Variants in TRAM2 observed in about 807,000 individuals in gnomAD.
TRAM2 encodes translocation associated membrane protein 2.
A neutral mutation model predicts 51.0 loss-of-function variants in TRAM2; 12 were observed. That is an observed-to-expected ratio of 0.24 (90% CI 0.15 to 0.38). TRAM2 has a LOEUF of 0.38. Among genes scored for constraint, TRAM2 ranks in the 10% least tolerant of loss-of-function variants. TRAM2 has a pLI of 1.00. For missense variants in TRAM2, 361 were observed against 462.0 expected (o/e 0.78, Z 2.00); for synonymous variants, 175 against 179.4 (o/e 0.98, Z 0.20).
chr6:52,574,014 C>G (rs1190842724), intron 1 of TRAM2, among the ~76,000 whole-genome samples: 2 of 152,116 alleles, frequency 1.3e-5, no homozygotes, highest in Non-Finnish European at 2.9e-5. Context: ...AGTCAGAACC[C>G]CAAAAGCCTA....
chr6:52,516,119 T>C lies in TRAM2; in HGVS notation c.298A>G (p.Ile100Val), dbSNP rs200215792. ...TTGGAGAGATGAAGCCGTTTGCTGA[T>C]TTTCTAAAGAATAAAGAAAACCCCT... The part of the protein sequence containing the change: ...AVVQEYILDK[I>V]SKRLHLSKVK... The change falls in exon 4 of 11, where the codon ATC (isoleucine) becomes GTC (valine). Residue 100 changes from isoleucine to valine, a missense_variant. Transcript: ENST00000182527. 5.6e-6 allele frequency: 9 copies of C among 1,613,920 alleles called. No individual in the cohort carries two copies. In the African/African-American group the frequency reaches 1.1e-4, roughly 19 times the overall value.
chr6:52,527,779 T>C (rs1450058307), intron 2 of TRAM2, among the ~76,000 whole-genome samples: 1 of 152,238 alleles, frequency 6.6e-6, no homozygotes, highest in Non-Finnish European at 1.5e-5. Context: ...AAGACACTTC[T>C]AGGTTGCACG....
At chr6:52,519,974 T>C (rs1332721586) in intron 2 of TRAM2, among the ~76,000 whole-genome samples, 9 of 152,022 alleles carry the variant, frequency 5.9e-5, no homozygotes, top group Non-Finnish European at 1.3e-4. Context: ...AGCAAAATGG[T>C]GGTTACCAAG....
intron 1 of TRAM2, among the ~76,000 whole-genome samples, chr6:52,556,232 C>A (rs1373436641): frequency 1.3e-5 from 2 of 151,360 alleles, no homozygotes; most frequent in Non-Finnish European, 2.9e-5. Context: ...GCTCAGAGGT[C>A]ACCGAGAAGC....
chr6:52,508,118 T>C (rs1447666008), intron 6 of TRAM2, 116 bp downstream of exon 6: 2 of 929,512 alleles, frequency 2.2e-6, no homozygotes, highest in Non-Finnish European at 3.2e-6. Context: ...AACATATTCC[T>C]ATCACCACCC....
chr6:52,552,199 C>A (rs775011215), intron 1 of TRAM2, among the ~76,000 whole-genome samples: 1 of 152,226 alleles, frequency 6.6e-6, no homozygotes, highest in Non-Finnish European at 1.5e-5. Flanking sequence ...TTAAAGAGAG[C>A]GAGATTCCAG....
chr6:52,549,573 C>T (rs1767273020), intron 1 of TRAM2, among the ~76,000 whole-genome samples: 2 of 152,292 alleles, frequency 1.3e-5, no homozygotes, highest in South Asian at 2.1e-4. Context: ...GCATGTGAAA[C>T]AGTCAAGAAA....
chr6:52,513,232 G>A (rs557201384), intron 4 of TRAM2, among the ~76,000 whole-genome samples: 2 of 152,120 alleles, frequency 1.3e-5, no homozygotes, highest in South Asian at 4.2e-4. Context: ...TTGCTTTTTT[G>A]AACTTCTCTA....
chr6:52,542,738 C>T (rs943940259), intron 1 of TRAM2, among the ~76,000 whole-genome samples: 1 of 152,070 alleles, frequency 6.6e-6, no homozygotes, highest in Non-Finnish European at 1.5e-5. Context: ...ATGAAAAAAA[C>T]TCGAAATTTG....
At chr6:52,542,462 G>A (rs556782442) in intron 1 of TRAM2, among the ~76,000 whole-genome samples, 15 of 152,174 alleles carry the variant, frequency 9.9e-5, no homozygotes, top group Middle Eastern at 3.4e-3. Flanking sequence ...GAAAATCTCC[G>A]TTTTGAAGGG....
chr6:52,570,976 T>C (rs17665184), intron 1 of TRAM2, among the ~76,000 whole-genome samples: 7,976 of 152,252 alleles, frequency 0.052, 297 homozygotes, highest in Admixed American at 0.076. Flanking sequence ...AGTAGAGGTA[T>C]ACCAAGTCTA....
chr6:52,521,711 TAAAATAAAATAAAATAAAACAAAAC>T (rs1453902269), intron 2 of TRAM2, among the ~76,000 whole-genome samples: 1 of 147,176 alleles, frequency 6.8e-6, no homozygotes, highest in African/African-American at 2.5e-5. Flanking sequence ...AAAAATAAAA[TAAAATAAAATAAAATAAAACAAAAC>T]AAAATAAAAT....
chr6:52,555,250 C>T (rs1420482265), intron 1 of TRAM2, among the ~76,000 whole-genome samples: 1 of 151,302 alleles, frequency 6.6e-6, no homozygotes, highest in Non-Finnish European at 1.5e-5. Flanking sequence ...CCCACTTCCA[C>T]CCCCACCCTC....
intron 2 of TRAM2, among the ~76,000 whole-genome samples, chr6:52,519,224 ACAC>A (rs1260256596): frequency 2.6e-5 from 4 of 152,222 alleles, no homozygotes; most frequent in African/African-American, 9.6e-5. Context: ...TAGCGGGTAC[ACAC>A]CACATCCTTG....
chr6:52,519,064 T>C lies in TRAM2; in HGVS notation c.185-2327A>G, dbSNP rs554148496. Among the ~76,000 whole-genome samples, 6 of 152,322 alleles carry C rather than the reference T, an allele frequency of 3.9e-5. No homozygotes were observed. In the East Asian group the frequency reaches 1.2e-3, roughly 29 times the overall value. ...AAATCCTTCTTGAAACTAGAATGAATGTAGAAATAAACACAGACTCGTGTT... is the reference window on the plus strand; with the variant it reads ...AAATCCTTCTTGAAACTAGAATGAACGTAGAAATAAACACAGACTCGTGTT... On this transcript the variant is annotated intron_variant, in intron 2 of 10. Transcript: ENST00000182527.
chr6:52,532,773 C>T (rs1037341471), intron 2 of TRAM2, among the ~76,000 whole-genome samples: 61 of 152,080 alleles, frequency 4.0e-4, no homozygotes, highest in African/African-American at 1.4e-3. Context: ...GAATGATAAT[C>T]GAGGACACAC....
chr6:52,515,224 G>C (rs926147347), intron 4 of TRAM2, among the ~76,000 whole-genome samples: 5 of 152,198 alleles, frequency 3.3e-5, no homozygotes, highest in African/African-American at 1.2e-4. Context: ...ATTTCTCAGG[G>C]GGCCAGGTTA....
chr6:52,509,391 A>G (rs1581869153), intron 5 of TRAM2, 137 bp downstream of exon 5: 1 of 728,774 alleles, frequency 1.4e-6, no homozygotes, highest in Non-Finnish European at 2.3e-6. Flanking sequence ...AGACAAGTCT[A>G]CCATCCACAA....
intron 1 of TRAM2, among the ~76,000 whole-genome samples, chr6:52,553,715 G>T (rs1264662829): frequency 6.6e-6 from 1 of 152,184 alleles, no homozygotes; most frequent in Non-Finnish European, 1.5e-5. Context: ...TCCCAATTCT[G>T]CCCTCACTAA....
Sources: gnomAD v4.1 joint callset for allele counts (sites outside exome capture counted in the v4.1 genomes callset) on GRCh38, gnomAD v4.1.1 for gene constraint, MANE v1.5 for transcripts, NCBI Gene and HGNC (gene_info 2026-07-23, HGNC 2026-07-21) for gene names.